TRAPPC9: variants seen among roughly 807,000 people sequenced by gnomAD.
TRAPPC9 encodes IKK2 binding protein.
TRAPPC9 carries 83 observed loss-of-function variants against 124.0 expected under a neutral mutation model. That is an observed-to-expected ratio of 0.67 (90% confidence interval 0.56 to 0.80). The LOEUF is 0.80. Ranked by LOEUF, TRAPPC9 falls within the 30% of genes least tolerant of loss-of-function variation. The pLI, the probability that TRAPPC9 is intolerant of heterozygous loss-of-function variation, is 0.00. For synonymous variants in TRAPPC9, 638 were observed against 617.5 expected (o/e 1.03, Z -0.49); for missense variants, 1,302 against 1,508.3 (o/e 0.86, Z 2.27).
At chr8:140,427,246 C>G (rs1463147027) in intron 4 of TRAPPC9, among the ~76,000 whole-genome samples, 1 of 152,134 alleles carries the variant, frequency 6.6e-6, no homozygotes, top group East Asian at 1.9e-4. Context: ...CACAAATAAG[C>G]CAAGTGACAA....
intron 13 of TRAPPC9, 92 bp from the exon 14 acceptor site, chr8:140,284,113 T>G: frequency 6.4e-7 from 1 of 1,566,254 alleles, no homozygotes; most frequent in Non-Finnish European, 8.7e-7. Context: ...GGGGCTCCTC[T>G]TCAGAAGACC....
intron 7 of TRAPPC9, among the ~76,000 whole-genome samples, chr8:140,380,579 C>T (rs553361561): frequency 2.8e-5 from 4 of 145,148 alleles, no homozygotes; most frequent in South Asian, 4.5e-4. Flanking sequence ...CACTTGAACC[C>T]GGGAGGCGGG....
At chr8:139,866,457 G>A (rs1322991454) in intron 21 of TRAPPC9, among the ~76,000 whole-genome samples, 1 of 152,208 alleles carries the variant, frequency 6.6e-6, no homozygotes, top group East Asian at 1.9e-4. Flanking sequence ...GGGTGCCAGA[G>A]CAGGAGTGAG....
chr8:140,324,263 A>G (rs1282677157), intron 9 of TRAPPC9, among the ~76,000 whole-genome samples: 2 of 152,254 alleles, frequency 1.3e-5, no homozygotes, highest in Non-Finnish European at 2.9e-5. Context: ...GTGTGGCAAC[A>G]TTAATATCAG....
At chr8:140,445,964 T>G (rs572052627) in intron 2 of TRAPPC9, among the ~76,000 whole-genome samples, 9 of 152,192 alleles carry the variant, frequency 5.9e-5, no homozygotes, top group African/African-American at 1.9e-4. Context: ...TGCAAACAAA[T>G]GATGTGCCAC....
intron 17 of TRAPPC9, among the ~76,000 whole-genome samples, chr8:140,043,616 CCAGCCTACAGCAGGGTCACCAGG>C (rs964612082): frequency 6.6e-6 from 1 of 152,194 alleles, no homozygotes; most frequent in African/African-American, 2.4e-5. Context: ...GCTCTGCCCT[CCAGCCTACAGCAGGGTCACCAGG>C]GGAGCTTGCT....
chr8:140,122,890 G>A (rs2061013738), intron 17 of TRAPPC9, among the ~76,000 whole-genome samples: 1 of 152,206 alleles, frequency 6.6e-6, no homozygotes, highest in African/African-American at 2.4e-5. Context: ...TCAGAAACAT[G>A]GGATCCACAG....
rs1835319188 is a variant in TRAPPC9 at position 139,960,609 on chromosome 8, T to TAGCCGGAGGAG, written c.2810+28116_2810+28117insCTCCTCCGGCT. Among the ~76,000 whole-genome samples, 344 of 127,996 alleles carry TAGCCGGAGGAG rather than the reference T, an allele frequency of 2.7e-3. 29 individuals carry two copies. The highest frequency in any genetic ancestry group is 0.013 in the Middle Eastern group (3 of 232). The allele number at this position is 127,996 out of a possible 152,430, so 84.0% of individuals were successfully genotyped here. On this transcript the variant is annotated intron_variant, in intron 19 of 22. Transcript: ENST00000438773. ...ACCACTGTGACAGGTGACCCAGCTG[T>TAGCCGGAGGAG]CAAGTCTGGACTCTGCCTCTCGCCA... is the stretch of plus-strand genomic sequence containing the variant.
chr8:139,886,084 C>G, intron 20 of TRAPPC9, 115 bp from the exon 21 acceptor site: 1 of 987,306 alleles, frequency 1.0e-6, no homozygotes, highest in Non-Finnish European at 1.6e-6. Context: ...GATGTCTCCC[C>G]TCTTCTGAAG....
At chr8:139,997,931 T>G (rs112120256) in intron 18 of TRAPPC9, among the ~76,000 whole-genome samples, 17 of 45,494 alleles carry the variant, frequency 3.7e-4, no homozygotes, top group African/African-American at 9.3e-4. Context: ...ACACAGGGGA[T>G]ACAATGCATC....
chr8:140,395,754 T>C (rs73713120), intron 7 of TRAPPC9, among the ~76,000 whole-genome samples: 5,525 of 152,200 alleles, frequency 0.036, 211 homozygotes, highest in African/African-American at 0.097. Flanking sequence ...GTCTCTCTCC[T>C]CTCTCCTCCA....
chr8:139,869,044 G>GA (rs1490880891), intron 21 of TRAPPC9, among the ~76,000 whole-genome samples: 1 of 152,060 alleles, frequency 6.6e-6, no homozygotes, highest in Non-Finnish European at 1.5e-5. Context: ...AAAGTATATA[G>GA]AAAAATTACA....
At chr8:140,142,998 C>T (rs552949456) in intron 17 of TRAPPC9, among the ~76,000 whole-genome samples, 50 of 152,324 alleles carry the variant, frequency 3.3e-4, no homozygotes, top group African/African-American at 9.6e-4. Flanking sequence ...ACCCAAACTA[C>T]ATATCCAAGT....
rs373671000 is a variant in TRAPPC9 at position 140,026,352 on chromosome 8, G to C, written c.2557-2273C>G. On this transcript the variant is annotated intron_variant, in intron 17 of 22. Coordinates refer to ENST00000438773, the MANE Select transcript of TRAPPC9 (RefSeq NM_001160372.4). ...TTCGGTTCTTTGGGGTATATGCCCGGAAGTGGAATTTCTGAATCATACGGG... is the reference window on the plus strand; with the variant it reads ...TTCGGTTCTTTGGGGTATATGCCCGCAAGTGGAATTTCTGAATCATACGGG... Among the ~76,000 whole-genome samples the C allele has an allele frequency of 1.1e-4, 17 of 152,302 alleles. 1 individual carries two copies. Among genetic ancestry groups the C allele is most frequent in the Admixed American group, 9.8e-4 (15 of 15,300 alleles).
At chr8:139,865,559 T>C (rs1828470449) in intron 21 of TRAPPC9, among the ~76,000 whole-genome samples, 1 of 152,032 alleles carries the variant, frequency 6.6e-6, no homozygotes, top group South Asian at 2.1e-4. Flanking sequence ...ACCGTTGACC[T>C]AGGCCGGGAA....
intron 21 of TRAPPC9, among the ~76,000 whole-genome samples, chr8:139,871,176 A>C (rs1223716635): frequency 6.6e-6 from 1 of 152,146 alleles, no homozygotes; most frequent in African/African-American, 2.4e-5. Flanking sequence ...TGCTGATTAC[A>C]AGTGAGAGTC....
At chr8:139,957,993 TGA>T (rs1455866512) in intron 19 of TRAPPC9, among the ~76,000 whole-genome samples, 11 of 152,202 alleles carry the variant, frequency 7.2e-5, no homozygotes, top group Admixed American at 3.3e-4. Flanking sequence ...AAAAAGACCC[TGA>T]GTGTGACATG....
intron 9 of TRAPPC9, among the ~76,000 whole-genome samples, chr8:140,336,858 G>A (rs903358208): frequency 4.6e-5 from 7 of 152,194 alleles, no homozygotes; most frequent in African/African-American, 1.7e-4. Flanking sequence ...AATTCCACAT[G>A]TGATAAACTC....
chr8:140,007,043 G>A (rs960172192), intron 18 of TRAPPC9, among the ~76,000 whole-genome samples: 4 of 152,208 alleles, frequency 2.6e-5, no homozygotes, highest in African/African-American at 9.6e-5. Flanking sequence ...GAGTGTACAG[G>A]AAGCAGGGGC....
Sources: allele counts gnomAD v4.1 joint callset (sites outside exome capture counted in the v4.1 genomes callset), GRCh38; gene constraint gnomAD v4.1.1; transcripts MANE v1.5; gene names NCBI Gene and HGNC (gene_info 2026-07-23, HGNC 2026-07-21).